Variants in CFAP54 observed in about 807,000 individuals in gnomAD.
CFAP54 encodes cilia and flagella associated protein 54.
A neutral mutation model predicts 370.4 loss-of-function variants in CFAP54; 290 were observed. The observed-to-expected ratio is 0.78, with a 90% CI of 0.71 to 0.86. The LOEUF (loss-of-function observed/expected upper bound fraction) is 0.86, where lower values mean the gene tolerates loss of function less well. Ranked by LOEUF, CFAP54 falls within the 40% of genes least tolerant of loss-of-function variation. CFAP54 has a pLI of 0.00. For synonymous variants in CFAP54, 1,206 were observed against 1,236.5 expected (o/e 0.98, Z 0.52); for missense variants, 3,399 against 3,528.7 (o/e 0.96, Z 0.93).
intron 4 of CFAP54, among the ~76,000 whole-genome samples, chr12:96,507,483 C>T (rs114706733): frequency 0.013 from 1,973 of 151,860 alleles, 61 homozygotes; most frequent in African/African-American, 0.046. Flanking sequence ...AAAGTGACCT[C>T]CTCCTACTTT....
intron 39 of CFAP54, among the ~76,000 whole-genome samples, chr12:96,672,276 C>G (rs1207824023): frequency 6.6e-6 from 1 of 152,060 alleles, no homozygotes; most frequent in Admixed American, 6.6e-5. Context: ...TATGCTTAGA[C>G]AGGAGGGTGA....
At position 96,544,408 on chromosome 12, in the gene CFAP54, ATATCTCTCTCTCTCTC is replaced by A. The variant is rs1337207383; in HGVS notation, c.2077+3423_2077+3438del. On this transcript the variant is annotated intron_variant, in intron 14 of 67. Transcript: ENST00000524981. The stretch of plus-strand genomic sequence containing the variant: ...TCCGAAGCAGTCCTCAGAAAACAGA[ATATCTCTCTCTCTCTC>A]TCTCTCTCTCTCTCTCTCTGACTTT... Among the ~76,000 whole-genome samples the A allele has an allele frequency of 7.5e-5, 8 of 106,764 alleles. No individual in the cohort carries two copies. The South Asian group carries it at 2.2e-3, about 30-fold the overall frequency. 70.0% of individuals were successfully genotyped at this position (106,764 alleles called of 152,430 possible). A position where few individuals can be genotyped will look rare whatever the true frequency, so the allele number is the denominator to read the frequency against.
chr12:96,740,704 C>G (rs539668381), intron 51 of CFAP54, among the ~76,000 whole-genome samples: 1 of 152,302 alleles, frequency 6.6e-6, no homozygotes, highest in African/African-American at 2.4e-5. Flanking sequence ...AGACTCATTT[C>G]TTACTATATT....
At chr12:96,788,797 A>G (rs958820769) in intron 62 of CFAP54, among the ~76,000 whole-genome samples, 1 of 152,164 alleles carries the variant, frequency 6.6e-6, no homozygotes, top group African/African-American at 2.4e-5. Context: ...CAGTTAAAGA[A>G]ATGATTCTCA....
chr12:96,572,818 C>T (rs1955936096), intron 19 of CFAP54: 2 of 969,558 alleles, frequency 2.1e-6, no homozygotes, highest in Non-Finnish European at 2.5e-6. Flanking sequence ...TAAATAAACT[C>T]CATAGATGAT....
intron 5 of CFAP54, among the ~76,000 whole-genome samples, chr12:96,516,764 C>T (rs1011488786): frequency 1.6e-4 from 25 of 152,148 alleles, no homozygotes; most frequent in African/African-American, 4.8e-4. Flanking sequence ...GGTTTGACAA[C>T]GTATGTGGCT....
chr12:96,706,447 A>G (rs1957548508), intron 47 of CFAP54, among the ~76,000 whole-genome samples: 1 of 152,180 alleles, frequency 6.6e-6, no homozygotes, highest in African/African-American at 2.4e-5. Flanking sequence ...AGGTAAGTGA[A>G]AAGGCCCTGA....
intron 11 of CFAP54, among the ~76,000 whole-genome samples, chr12:96,534,886 C>G (rs1955485278): frequency 6.6e-6 from 1 of 151,908 alleles, no homozygotes; most frequent in Non-Finnish European, 1.5e-5. Context: ...ATTTTATGTG[C>G]ACTTTAATAT....
rs373762049 is a variant in CFAP54, at chr12:96,695,035, CA to C, written c.6351+1236del. On this transcript the variant is annotated intron_variant, in intron 45 of 67. Transcript: ENST00000524981. ...GACTCCGTGTCAAAAAAAACAAAAA[CA>C]AAAAAAAACAAAAAAACACCTCAAA... Among the ~76,000 whole-genome samples the C allele has an allele frequency of 1.1e-3, 164 of 150,090 alleles. 1 individual carries two copies. The highest frequency in any genetic ancestry group is 0.01 in the Middle Eastern group (3 of 290).
intron 63 of CFAP54, among the ~76,000 whole-genome samples, chr12:96,802,440 C>G (rs1958829982): frequency 6.6e-6 from 1 of 152,180 alleles, no homozygotes; most frequent in African/African-American, 2.4e-5. Flanking sequence ...ACAACACCCA[C>G]TGCCCTACTA....
chr12:96,518,617 C>T (rs1955266921), intron 5 of CFAP54, among the ~76,000 whole-genome samples: 1 of 152,104 alleles, frequency 6.6e-6, no homozygotes, highest in Non-Finnish European at 1.5e-5. Flanking sequence ...ACCCAGGGGG[C>T]GGAGGTTGCA....
At chr12:96,739,507 G>T (rs10860081) in intron 50 of CFAP54, among the ~76,000 whole-genome samples, 12,102 of 151,974 alleles carry the variant, frequency 0.08, 931 homozygotes, top group East Asian at 0.44. Context: ...AATAGCATTA[G>T]GTAACATAGT....
intron 43 of CFAP54, among the ~76,000 whole-genome samples, chr12:96,690,240 T>C (rs1412489438): frequency 6.6e-6 from 1 of 152,242 alleles, no homozygotes; most frequent in Non-Finnish European, 1.5e-5. Flanking sequence ...ATTCTTTTTA[T>C]GGTTTTAAAA....
intron 65 of CFAP54, among the ~76,000 whole-genome samples, chr12:96,821,839 A>G (rs151152104): frequency 1.8e-4 from 27 of 152,282 alleles, no homozygotes; most frequent in African/African-American, 4.6e-4. Context: ...AAAGAGATCA[A>G]TTCTGGTCTG....
intron 60 of CFAP54, among the ~76,000 whole-genome samples, chr12:96,784,083 T>C (rs1244884873): frequency 6.6e-6 from 1 of 152,236 alleles, no homozygotes; most frequent in East Asian, 1.9e-4. Context: ...CCTGTTTATA[T>C]TTTAAAGTTT....
intron 36 of CFAP54, among the ~76,000 whole-genome samples, chr12:96,652,641 T>C (rs1322853321): frequency 6.6e-6 from 1 of 152,176 alleles, no homozygotes; most frequent in African/African-American, 2.4e-5. Flanking sequence ...TCTAACTCAA[T>C]GATGTCAATA....
rs572200154 is a variant in CFAP54, at chr12:96,613,889, A to G, written c.3640-7701A>G. Among the ~76,000 whole-genome samples, 20 of 152,340 alleles carry G rather than the reference A, an allele frequency of 1.3e-4. No homozygotes were observed. In the South Asian group the frequency reaches 4.1e-3, roughly 32 times the overall value. ...ATAATTAATAGCCTAGCAACCAAAAAAAGTCCAGGACCAGATGGATTCACA... is the reference window on the plus strand; with the variant it reads ...ATAATTAATAGCCTAGCAACCAAAAGAAGTCCAGGACCAGATGGATTCACA... On this transcript the variant is annotated intron_variant, in intron 26 of 67. Coordinates refer to ENST00000524981, the MANE Select transcript of CFAP54 (RefSeq NM_001306084.2).
At chr12:96,764,069 C>G (rs1958369098) in intron 58 of CFAP54, 82 bp from the exon 59 acceptor site, 1 of 830,618 alleles carries the variant, frequency 1.2e-6, no homozygotes, top group African/African-American at 1.7e-5. Context: ...GACTACATAG[C>G]ATTTCACTAA....
At chr12:96,777,644 T>C (rs769173786) in intron 60 of CFAP54, among the ~76,000 whole-genome samples, 19 of 152,256 alleles carry the variant, frequency 1.2e-4, no homozygotes, top group Non-Finnish European at 2.2e-4. Context: ...CCACTGCGCC[T>C]GGCCCATCAA....
Sources: gnomAD v4.1 joint callset for allele counts (sites outside exome capture counted in the v4.1 genomes callset) on GRCh38, gnomAD v4.1.1 for gene constraint, MANE v1.5 for transcripts, NCBI Gene and HGNC (gene_info 2026-07-23, HGNC 2026-07-21) for gene names.